GBA1: variants seen among roughly 807,000 people sequenced by gnomAD.
GBA1 encodes the protein lysosomal acid glucosylceramidase.
chr1:155,238,648 T>A, the GBA1 span: 1 of 1,613,662 alleles, frequency 6.2e-7, no homozygotes, highest in Non-Finnish European at 8.5e-7. Flanking sequence ...TTATATCCGA[T>A]TCCTACAGAA....
chr1:155,235,863 C>T, the GBA1 span: 1 of 1,614,164 alleles, frequency 6.2e-7, no homozygotes, highest in Non-Finnish European at 8.5e-7. Flanking sequence ...AGGACAAAGG[C>T]AAAGAGACAA....
At chr1:155,237,917 A>AG in the GBA1 span, 2 of 662,524 alleles carry the variant, frequency 3.0e-6, no homozygotes, top group Non-Finnish European at 5.1e-6. Context: ...AAAAAAAAAA[A>AG]GAAGAAAAAT....
At chr1:155,241,618 G>T in the GBA1 span, among the ~76,000 whole-genome samples, 179 of 152,312 alleles carry the variant, frequency 1.2e-3, 1 homozygote, top group African/African-American at 4.1e-3. Context: ...CCCTATAGAG[G>T]TGTGTGAGGC....
chr1:155,240,158 C>T, the GBA1 span: 19 of 1,377,822 alleles, frequency 1.4e-5, no homozygotes, highest in East Asian at 7.0e-5. Flanking sequence ...AGACTGAACA[C>T]GGTTTCAAAA....
At chr1:155,241,901 A>G in the GBA1 span, among the ~76,000 whole-genome samples, 7 of 152,200 alleles carry the variant, frequency 4.6e-5, no homozygotes, top group African/African-American at 1.7e-4. Flanking sequence ...GCAGATGGTA[A>G]TAACTGTTCT....
chr1:155,237,903 CAAAAA>C, the GBA1 span: 3 of 533,818 alleles, frequency 5.6e-6, no homozygotes, highest in African/African-American at 2.4e-5. Flanking sequence ...GACTCCTTCT[CAAAAA>C]AAAAAAAAAG....
At chr1:155,241,401 G>A in the GBA1 span, 1 of 522,634 alleles carries the variant, frequency 1.9e-6, no homozygotes, top group East Asian at 3.2e-5. Flanking sequence ...GCATGTATGG[G>A]TGACAACTTT....
At chr1:155,238,711 C>T in the GBA1 span, 1 of 1,610,566 alleles carries the variant, frequency 6.2e-7, no homozygotes, top group African/African-American at 1.3e-5. Flanking sequence ...TGGGACTCTG[C>T]TTATCACTTG....
the GBA1 span, chr1:155,238,201 C>G: frequency 6.2e-7 from 1 of 1,614,208 alleles, no homozygotes. Context: ...GACCCCTTCC[C>G]ATTCACCGCT....
At chr1:155,239,525 G>A in the GBA1 span, 4 of 1,373,328 alleles carry the variant, frequency 2.9e-6, no homozygotes, top group Non-Finnish European at 4.1e-6. Flanking sequence ...AATGGGCAGA[G>A]TGAGATTCTG....
the GBA1 span, among the ~76,000 whole-genome samples, chr1:155,241,604 T>G: frequency 6.6e-6 from 1 of 152,188 alleles, no homozygotes; most frequent in African/African-American, 2.4e-5. Flanking sequence ...TAAGACAGTC[T>G]TTGCCCTATA....
At chr1:155,244,607 G>C in the GBA1 span, 4 of 152,218 alleles carry the variant, frequency 2.6e-5, no homozygotes, top group East Asian at 7.7e-4. Flanking sequence ...GCCCCGCGCA[G>C]TAAGACTCTG....
the GBA1 span, chr1:155,241,285 G>A: frequency 1.5e-6 from 1 of 680,154 alleles, no homozygotes; most frequent in Admixed American, 2.3e-5. Context: ...TGATGACTAG[G>A]AGCGTCACAT....
chr1:155,235,641 T>C, the GBA1 span: 1 of 1,548,222 alleles, frequency 6.5e-7, no homozygotes, highest in Non-Finnish European at 8.8e-7. Flanking sequence ...TAGGAGATGA[T>C]AGGCCTGGTA....
chr1:155,238,902 G>A, the GBA1 span: 4 of 519,010 alleles, frequency 7.7e-6, no homozygotes, highest in Non-Finnish European at 1.0e-5. Context: ...AAATGTCAGG[G>A]ATGGGCAGAA....
the GBA1 span, chr1:155,239,924 A>C: frequency 6.2e-7 from 1 of 1,614,116 alleles, no homozygotes; most frequent in Non-Finnish European, 8.5e-7. Flanking sequence ...CCCCATACTC[A>C]GCTCCATCCG....
the GBA1 span, chr1:155,244,001 C>T: frequency 6.6e-6 from 1 of 152,298 alleles, no homozygotes; most frequent in Non-Finnish European, 1.5e-5. Flanking sequence ...ATTACATAAC[C>T]TTCTTCCCAC....
chr1:155,239,820 T>C, the GBA1 span: 1 of 1,613,100 alleles, frequency 6.2e-7, no homozygotes, highest in East Asian at 2.2e-5. Context: ...TCCATGGTGA[T>C]CACTGACACC....
the GBA1 span, chr1:155,237,308 G>T: frequency 6.2e-7 from 1 of 1,613,812 alleles, no homozygotes; most frequent in Admixed American, 1.7e-5. Flanking sequence ...GGATTTGAAG[G>T]TCACTGGAGC....
Sources: allele counts gnomAD v4.1 joint callset (sites outside exome capture counted in the v4.1 genomes callset), GRCh38; gene constraint gnomAD v4.1.1; transcripts MANE v1.5; gene names NCBI Gene and HGNC (gene_info 2026-07-23, HGNC 2026-07-21).